The following CASK variants were observed in gnomAD, a reference collection of about 807,000 sequenced individuals.
The protein encoded by CASK is peripheral plasma membrane protein CASK.
In CASK, 4 loss-of-function variants were observed where a neutral mutation model predicts 82.9. That is an observed-to-expected ratio of 0.05 (90% CI 0.02 to 0.11). The LOEUF (loss-of-function observed/expected upper bound fraction) is 0.11. Among genes scored for constraint, CASK ranks in the 10% least tolerant of loss-of-function variants. CASK has a pLI of 1.00. For missense variants in CASK, 358 were observed against 720.9 expected (o/e 0.50, Z 5.76); for synonymous variants, 259 against 253.5 (o/e 1.02, Z -0.20).
intron 2 of CASK, among the ~76,000 whole-genome samples, chrX:41,851,926 TG>T (rs1362776853): frequency 9.0e-6 from 1 of 110,834 alleles, no homozygotes; most frequent in Non-Finnish European, 1.9e-5. Flanking sequence ...CAGTTAAAGG[TG>T]TAAGGAAATA....
At position 41,622,642 on chromosome X, in the gene CASK, G is replaced by A. The variant is rs1326996700; in HGVS notation, c.1016-8C>T. The A allele has an allele frequency of 1.7e-6, 2 of 1,191,301 alleles. No homozygotes were observed. Among genetic ancestry groups the A allele is most frequent in the Admixed American group, 2.2e-5 (1 of 45,011 alleles). On this transcript the variant is annotated splice_polypyrimidine_tract_variant and splice_region_variant and intron_variant, in intron 10 of 26. Coordinates refer to ENST00000378163, the MANE Select transcript of CASK (RefSeq NM_001367721.1). ...TTTCTGCTGCTAGAAGTCCTAGGAG[G>A]AAGGCAGCATATGGACAAACAACAA...
chrX:41,653,673 A>G (rs963173766), intron 8 of CASK, among the ~76,000 whole-genome samples: 1 of 112,531 alleles, frequency 8.9e-6, no homozygotes, highest in Non-Finnish European at 1.9e-5. Context: ...CAAAACCAAG[A>G]AACTACTGAA....
chrX:41,861,819 A>T (rs2071487263), intron 1 of CASK, among the ~76,000 whole-genome samples: 1 of 100,955 alleles, frequency 9.9e-6, no homozygotes, highest in African/African-American at 3.5e-5. Context: ...TATATATTGT[A>T]TATATGTATA....
At chrX:41,770,971 G>C (rs995174996) in intron 3 of CASK, among the ~76,000 whole-genome samples, 1 of 111,864 alleles carries the variant, frequency 8.9e-6, no homozygotes, top group Non-Finnish European at 1.9e-5. Flanking sequence ...AGGGGCAGAA[G>C]CAACATTTGA....
intron 14 of CASK, among the ~76,000 whole-genome samples, chrX:41,579,785 G>C (rs1197150592): frequency 9.0e-6 from 1 of 110,700 alleles, no homozygotes; most frequent in Non-Finnish European, 1.9e-5. Flanking sequence ...GCTTAAAAAA[G>C]TCATGACTTG....
intron 11 of CASK, among the ~76,000 whole-genome samples, chrX:41,618,290 C>T (rs1410278282): frequency 2.7e-5 from 3 of 111,934 alleles, no homozygotes; most frequent in Non-Finnish European, 5.6e-5. Flanking sequence ...ATAACCCTGT[C>T]TCTGCAGGCA....
chrX:41,771,944 T>C (rs902272206), intron 3 of CASK, among the ~76,000 whole-genome samples: 2 of 110,439 alleles, frequency 1.8e-5, no homozygotes, highest in Non-Finnish European at 3.8e-5. Flanking sequence ...AACCCAAGGA[T>C]ACAAAAAGGT....
At chrX:41,907,146 C>T (rs2072483117) in intron 1 of CASK, among the ~76,000 whole-genome samples, 1 of 112,546 alleles carries the variant, frequency 8.9e-6, no homozygotes, top group Non-Finnish European at 1.9e-5. Context: ...GCATCTACTA[C>T]TAAACTATTC....
chrX:41,835,629 C>G (rs1366231649), intron 2 of CASK, among the ~76,000 whole-genome samples: 1 of 111,601 alleles, frequency 9.0e-6, no homozygotes, highest in African/African-American at 3.3e-5. Context: ...GGGATTATGG[C>G]CAACATGTTA....
intron 3 of CASK, among the ~76,000 whole-genome samples, chrX:41,774,274 A>C (rs971879367): frequency 3.5e-4 from 39 of 111,465 alleles, no homozygotes; most frequent in African/African-American, 1.3e-3. Context: ...TACAAAAATC[A>C]CAAGCATTCT....
chrX:41,717,148 G>A (rs2068075350), intron 5 of CASK, among the ~76,000 whole-genome samples: 1 of 111,515 alleles, frequency 9.0e-6, no homozygotes, highest in South Asian at 3.8e-4. Context: ...GTGTGGTCCA[G>A]CTCCATCCAA....
chrX:41,522,590 A>C (rs1007520698), intron 26 of CASK, among the ~76,000 whole-genome samples: 1 of 112,149 alleles, frequency 8.9e-6, no homozygotes, highest in Admixed American at 9.5e-5. Flanking sequence ...GATGAAAAGG[A>C]ACAATTCCTA....
Position 41,559,858 on chromosome X carries a change from G to A in CASK, c.1669-11C>T. 8.3e-7 allele frequency: 1 copy of A among 1,197,608 alleles called. No homozygotes were observed. Among genetic ancestry groups the A allele is most frequent in the South Asian group, 1.8e-5 (1 of 55,995 alleles). On this transcript the variant is annotated splice_polypyrimidine_tract_variant and intron_variant, in intron 17 of 26. Transcript: ENST00000378163. The stretch of plus-strand genomic sequence containing the variant: ...CCCCCGCATTTCCCTCTGGAGGGGG[G>A]GTGGTGGGAAAGAAAGAAAAGTTTT...
intron 3 of CASK, among the ~76,000 whole-genome samples, chrX:41,773,374 C>CAA (rs552195137): frequency 4.1e-5 from 2 of 48,204 alleles, no homozygotes; most frequent in African/African-American, 1.6e-4. Context: ...GACCCTGTCT[C>CAA]AAAAAAAAAA....
chrX:41,573,716 T>A (rs145429400), intron 15 of CASK, among the ~76,000 whole-genome samples: 5 of 112,128 alleles, frequency 4.5e-5, no homozygotes, highest in African/African-American at 1.6e-4. Context: ...TGCCTAGTAA[T>A]CTTTGATTAG....
At chrX:41,772,386 C>T (rs932179838) in intron 3 of CASK, among the ~76,000 whole-genome samples, 3 of 88,681 alleles carry the variant, frequency 3.4e-5, no homozygotes, top group Non-Finnish European at 4.5e-5. Flanking sequence ...TACAAAGCTA[C>T]AAGTTGTCAC....
chrX:41,557,762 C>T (rs1449241933), intron 18 of CASK, among the ~76,000 whole-genome samples: 2 of 111,454 alleles, frequency 1.8e-5, no homozygotes, highest in Non-Finnish European at 3.8e-5. Flanking sequence ...TTCCTATATC[C>T]AGGCTCCTCT....
At position 41,923,097 on chromosome X, in the gene CASK, C is replaced by A; in HGVS notation, c.-109G>T. On this transcript the variant is annotated 5_prime_UTR_variant, in exon 1 of 27. Coordinates refer to ENST00000378163, the MANE Select transcript of CASK (RefSeq NM_001367721.1). ...GATCGCCTCCTCCCCTCAGGACCCG[C>A]GAGCCCTCGGTGCCGAGGACGCTCG... 2 of 685,580 alleles carry A rather than the reference C, an allele frequency of 2.9e-6. No homozygotes were observed. Among genetic ancestry groups the A allele is most frequent in the South Asian group, 2.5e-5 (1 of 39,870 alleles). 56.5% of individuals were successfully genotyped at this position (685,580 alleles called of 1,213,427 possible). A position where few individuals can be genotyped will look rare whatever the true frequency, so the allele number is the denominator to read the frequency against.
intron 1 of CASK, among the ~76,000 whole-genome samples, chrX:41,890,638 A>T (rs770973132): frequency 8.5e-4 from 95 of 111,684 alleles, no homozygotes; most frequent in Non-Finnish European, 1.5e-3. Flanking sequence ...GACTGATTAG[A>T]TTTTGACCAT....
Sources: allele counts gnomAD v4.1 joint callset (sites outside exome capture counted in the v4.1 genomes callset), GRCh38; gene constraint gnomAD v4.1.1; transcripts MANE v1.5; gene names NCBI Gene and HGNC (gene_info 2026-07-23, HGNC 2026-07-21).